CPQ: variants seen among roughly 807,000 people sequenced by gnomAD.
The protein encoded by CPQ is Ser-Met dipeptidase.
A neutral mutation model predicts 45.7 loss-of-function variants in CPQ; 37 were observed. That is an observed-to-expected ratio of 0.81 (90% confidence interval 0.62 to 1.07). The LOEUF is 1.07. Among genes scored for constraint, CPQ ranks in the 50% least tolerant of loss-of-function variants. The pLI, the probability that CPQ is intolerant of heterozygous loss-of-function variation, is 0.00. For synonymous variants in CPQ, 186 were observed against 205.8 expected (o/e 0.90, Z 0.82); for missense variants, 537 against 572.9 (o/e 0.94, Z 0.64).
intron 7 of CPQ, among the ~76,000 whole-genome samples, chr8:97,087,411 G>GT (rs60713123): frequency 1.3e-5 from 2 of 152,228 alleles, no homozygotes; most frequent in African/African-American, 4.8e-5. Context: ...GACTTGGGGG[G>GT]TCAAGGGCTT....
chr8:97,112,028 C>G (rs1488904212), intron 7 of CPQ, among the ~76,000 whole-genome samples: 1 of 152,158 alleles, frequency 6.6e-6, no homozygotes, highest in Non-Finnish European at 1.5e-5. Flanking sequence ...GGAATACCAC[C>G]CTCCCATGCT....
chr8:96,907,864 C>A (rs1812598616), intron 4 of CPQ, among the ~76,000 whole-genome samples: 1 of 152,080 alleles, frequency 6.6e-6, no homozygotes, highest in Non-Finnish European at 1.5e-5. Context: ...AAAATGTTGG[C>A]AGAAGTGCCA....
intron 1 of CPQ, among the ~76,000 whole-genome samples, chr8:96,694,793 A>G (rs1208203161): frequency 1.3e-5 from 2 of 152,232 alleles, no homozygotes; most frequent in Admixed American, 6.5e-5. Context: ...ATTTATGTGT[A>G]TAAGCAGCTA....
intron 2 of CPQ, among the ~76,000 whole-genome samples, chr8:96,788,215 A>G (rs962937182): frequency 1.3e-5 from 2 of 149,280 alleles, no homozygotes; most frequent in Non-Finnish European, 3.0e-5. Context: ...CTGGAGTGCA[A>G]TGGCACAATC....
chr8:96,770,186 G>T (rs1293445095), intron 1 of CPQ, among the ~76,000 whole-genome samples: 1 of 152,130 alleles, frequency 6.6e-6, no homozygotes, highest in Non-Finnish European at 1.5e-5. Flanking sequence ...GTCTGAGAGT[G>T]TGGCCAGTGG....
intron 1 of CPQ, among the ~76,000 whole-genome samples, chr8:96,762,622 C>G (rs898811842): frequency 6.6e-6 from 1 of 152,122 alleles, no homozygotes; most frequent in Non-Finnish European, 1.5e-5. Context: ...AGGCTCTCTG[C>G]CCCACTTCCC....
intron 7 of CPQ, among the ~76,000 whole-genome samples, chr8:97,087,477 G>A (rs955579540): frequency 6.6e-6 from 1 of 151,666 alleles, no homozygotes; most frequent in Non-Finnish European, 1.5e-5. Flanking sequence ...CCCCAGAGTG[G>A]TGGGCTCTTA....
At chr8:96,727,444 A>T (rs1809857908) in intron 1 of CPQ, among the ~76,000 whole-genome samples, 1 of 152,156 alleles carries the variant, frequency 6.6e-6, no homozygotes, top group African/African-American at 2.4e-5. Flanking sequence ...AGGTATAAAA[A>T]CACTCTCAGG....
At chr8:97,093,491 C>T (rs1474333328) in intron 7 of CPQ, among the ~76,000 whole-genome samples, 2 of 151,990 alleles carry the variant, frequency 1.3e-5, no homozygotes, top group Non-Finnish European at 2.9e-5. Flanking sequence ...TAAACCAAAC[C>T]CCAATGACAC....
intron 5 of CPQ, among the ~76,000 whole-genome samples, chr8:97,017,834 CTT>C (rs1273905205): frequency 6.6e-6 from 1 of 151,828 alleles, no homozygotes; most frequent in Non-Finnish European, 1.5e-5. Flanking sequence ...GGCATATACT[CTT>C]GGCAGTTCTA....
intron 4 of CPQ, among the ~76,000 whole-genome samples, chr8:96,918,180 C>T (rs919028609): frequency 6.6e-6 from 1 of 152,090 alleles, no homozygotes; most frequent in African/African-American, 2.4e-5. Flanking sequence ...TTACCTGTTC[C>T]CCAAGAACAA....
intron 5 of CPQ, among the ~76,000 whole-genome samples, chr8:97,018,428 G>T (rs1260911608): frequency 6.6e-6 from 1 of 152,176 alleles, no homozygotes; most frequent in African/African-American, 2.4e-5. Context: ...AAGGTTAGTT[G>T]TTAAGCTAAT....
At chr8:97,112,072 C>T (rs1490209766) in intron 7 of CPQ, among the ~76,000 whole-genome samples, 1 of 152,128 alleles carries the variant, frequency 6.6e-6, no homozygotes, top group East Asian at 1.9e-4. Flanking sequence ...TGGTACTCCA[C>T]TCTGTCCTCA....
chr8:97,004,052 G>C lies in CPQ; in HGVS notation c.962-25351G>C, dbSNP rs1021983356. 3.3e-5 allele frequency among the ~76,000 whole-genome samples: 5 copies of C among 152,020 alleles called. No individual in the cohort carries two copies. In the East Asian group the frequency reaches 9.7e-4, roughly 29 times the overall value. ...AACTCTCCTAATTGATTTCCATTATGTTGAAATCCAAGTCCATCCTTTGAA... is the reference window on the plus strand; with the variant it reads ...AACTCTCCTAATTGATTTCCATTATCTTGAAATCCAAGTCCATCCTTTGAA... On this transcript the variant is annotated intron_variant, in intron 5 of 7. Transcript: ENST00000220763.
At chr8:96,885,079 A>G (rs1168605933) in intron 4 of CPQ, among the ~76,000 whole-genome samples, 1 of 152,214 alleles carries the variant, frequency 6.6e-6, no homozygotes. Flanking sequence ...TGGGTAATTT[A>G]TAATGAACAG....
At chr8:96,744,762 C>T (rs1252917828) in intron 1 of CPQ, among the ~76,000 whole-genome samples, 2 of 151,648 alleles carry the variant, frequency 1.3e-5, no homozygotes, top group African/African-American at 2.4e-5. Flanking sequence ...CTTTTTAATC[C>T]AGTCTGACAA....
In CPQ at chr8:97,084,812, C is replaced by CTGTGTGTGTGTG. The variant is rs140213784; in HGVS notation, c.1255+18616_1255+18627dup. Among the ~76,000 whole-genome samples the CTGTGTGTGTGTG allele has an allele frequency of 7.7e-3, 1,161 of 150,514 alleles. 6 individuals carry two copies. The highest frequency in any genetic ancestry group is 0.024 in the African/African-American group (961 of 40,656). On this transcript the variant is annotated intron_variant, in intron 7 of 7. Transcript: ENST00000220763. ...TCCTTTATTATGATGTGTGTATACT[C>CTGTGTGTGTGTG]TGTGTGTGTGTGTGTGTGTGTGTGT...
chr8:96,915,894 G>A (rs1010375338), intron 4 of CPQ, among the ~76,000 whole-genome samples: 1 of 152,116 alleles, frequency 6.6e-6, no homozygotes, highest in African/African-American at 2.4e-5. Context: ...AGGCCAAGTG[G>A]CATCCCAATT....
intron 6 of CPQ, among the ~76,000 whole-genome samples, chr8:97,036,989 T>TC (rs1285600238): frequency 6.6e-6 from 1 of 152,186 alleles, no homozygotes; most frequent in Non-Finnish European, 1.5e-5. Context: ...GTATGGTCAT[T>TC]CCAAATACAC....
Sources: allele counts gnomAD v4.1 joint callset (sites outside exome capture counted in the v4.1 genomes callset), GRCh38; gene constraint gnomAD v4.1.1; transcripts MANE v1.5; gene names NCBI Gene and HGNC (gene_info 2026-07-23, HGNC 2026-07-21).